UBASH3B: variants seen among roughly 807,000 people sequenced by gnomAD.
UBASH3B encodes ubiquitin-associated and SH3 domain-containing protein B.
Under a neutral mutation model 83.4 loss-of-function variants are expected in UBASH3B, and 37 were observed. The observed-to-expected ratio is 0.44, with a 90% CI of 0.34 to 0.58. The LOEUF (loss-of-function observed/expected upper bound fraction) is 0.58, where lower values mean the gene tolerates loss of function less well. Ranked by LOEUF, UBASH3B falls within the 20% of genes least tolerant of loss-of-function variation. The probability of loss-of-function intolerance (pLI) is 0.01; values close to 1 mark genes in which losing one functional copy is unlikely to be tolerated. For missense variants in UBASH3B, 657 were observed against 827.2 expected (o/e 0.79, Z 2.52); for synonymous variants, 304 against 318.3 (o/e 0.96, Z 0.48).
intron 1 of UBASH3B, among the ~76,000 whole-genome samples, chr11:122,730,102 A>G (rs1860817074): frequency 6.6e-6 from 1 of 152,136 alleles, no homozygotes; most frequent in East Asian, 1.9e-4. Flanking sequence ...CCTGGCCAAC[A>G]TGGCAAAACT....
intron 1 of UBASH3B, among the ~76,000 whole-genome samples, chr11:122,658,711 G>A (rs1217160393): frequency 6.6e-6 from 1 of 152,218 alleles, no homozygotes; most frequent in Non-Finnish European, 1.5e-5. Context: ...ACCATCTAGG[G>A]CCAGTAGGGC....
intron 1 of UBASH3B, among the ~76,000 whole-genome samples, chr11:122,739,963 CA>C (rs1860998247): frequency 1.3e-5 from 2 of 152,294 alleles, no homozygotes; most frequent in South Asian, 4.1e-4. Flanking sequence ...CATGTCCACC[CA>C]GAAATAACTA....
At chr11:122,731,128 C>T (rs534517166) in intron 1 of UBASH3B, among the ~76,000 whole-genome samples, 92 of 152,310 alleles carry the variant, frequency 6.0e-4, no homozygotes, top group South Asian at 1.7e-3. Context: ...TTGTGCCAAT[C>T]GGATTCTGTT....
At chr11:122,803,505 T>C (rs1477342511) in intron 11 of UBASH3B, among the ~76,000 whole-genome samples, 4 of 151,912 alleles carry the variant, frequency 2.6e-5, no homozygotes, top group African/African-American at 9.7e-5. Context: ...TGACTAATAT[T>C]GAAGCATCAT....
chr11:122,809,698 AGC>A lies in UBASH3B; in HGVS notation c.1813-50_1813-49del, dbSNP rs760015508. 4 of 1,593,786 alleles carry A rather than the reference AGC, an allele frequency of 2.5e-6. No homozygotes were observed. The South Asian group carries it at 4.5e-5, about 18-fold the overall frequency. On this transcript the variant is annotated intron_variant, in intron 13 of 13. Transcript: ENST00000284273. ...ATCTTTGTATTTAGGTAAAAGTTAA[AGC>A]ATTAAACCTATCTCCTAATATCCCC...
intron 1 of UBASH3B, among the ~76,000 whole-genome samples, chr11:122,714,992 C>T (rs1362319654): frequency 6.6e-6 from 1 of 152,192 alleles, no homozygotes; most frequent in Non-Finnish European, 1.5e-5. Context: ...GTCGCCCGGG[C>T]TGGAGTGCAG....
intron 5 of UBASH3B, among the ~76,000 whole-genome samples, chr11:122,787,535 C>T (rs1179001492): frequency 6.6e-6 from 1 of 152,176 alleles, no homozygotes; most frequent in Non-Finnish European, 1.5e-5. Context: ...TTAGCGATTT[C>T]CAGAAGGAAA....
chr11:122,762,809 G>A (rs775221486), intron 1 of UBASH3B, among the ~76,000 whole-genome samples: 2 of 152,194 alleles, frequency 1.3e-5, no homozygotes, highest in Admixed American at 6.5e-5. Context: ...GAAAGAATCT[G>A]GGTCTTCTGG....
At chr11:122,785,495 C>G (rs1186033286) in intron 5 of UBASH3B, among the ~76,000 whole-genome samples, 3 of 152,178 alleles carry the variant, frequency 2.0e-5, no homozygotes, top group African/African-American at 7.2e-5. Flanking sequence ...GGCCTCATTC[C>G]TCTGCTATTT....
At chr11:122,766,157 C>T (rs1321722684) in intron 1 of UBASH3B, among the ~76,000 whole-genome samples, 2 of 152,152 alleles carry the variant, frequency 1.3e-5, no homozygotes, top group Non-Finnish European at 2.9e-5. Flanking sequence ...AAATGGAGGC[C>T]TCCATGAGTC....
rs773751591 is a variant in UBASH3B at position 122,779,471 on chromosome 11, T to TGAA, written c.403-23_403-21dup. Reference sequence around the variant, plus strand: ...ACTTCCATCTCCCCTTGTCTCTGAGTGAAGACTGCCTGTTTTCCCTGCCAG... The same window carrying TGAA: ...ACTTCCATCTCCCCTTGTCTCTGAGTGAAGAAGACTGCCTGTTTTCCCTGCCAG... On this transcript the variant is annotated intron_variant, in intron 3 of 13. Transcript: ENST00000284273. The TGAA allele has an allele frequency of 1.4e-5, 22 of 1,612,818 alleles. No individual in the cohort carries two copies. The South Asian group carries it at 2.3e-4, about 17-fold the overall frequency.
At chr11:122,729,598 A>T (rs1480196702) in intron 1 of UBASH3B, among the ~76,000 whole-genome samples, 1 of 152,124 alleles carries the variant, frequency 6.6e-6, no homozygotes, top group Non-Finnish European at 1.5e-5. Context: ...TTGTTTTAAA[A>T]TACTCTAGGG....
rs573908197 is a variant in UBASH3B, at chr11:122,757,745, C to T, written c.162-18474C>T. Among the ~76,000 whole-genome samples, 220 of 131,822 alleles carry T rather than the reference C, an allele frequency of 1.7e-3. 2 individuals carry two copies. Among genetic ancestry groups the T allele is most frequent in the African/African-American group, 4.5e-3 (151 of 33,570 alleles). 86.5% of individuals were successfully genotyped at this position (131,822 alleles called of 152,430 possible). ...TTTTTTTTTTTTTGAGACAGAGTCTCACTCTGTCGCCAGGCTGAAGTGCAG... is the reference window on the plus strand; with the variant it reads ...TTTTTTTTTTTTTGAGACAGAGTCTTACTCTGTCGCCAGGCTGAAGTGCAG... On this transcript the variant is annotated intron_variant, in intron 1 of 13. Transcript: ENST00000284273.
chr11:122,717,026 T>C (rs571723041), intron 1 of UBASH3B, among the ~76,000 whole-genome samples: 2 of 152,242 alleles, frequency 1.3e-5, no homozygotes, highest in South Asian at 2.1e-4. Flanking sequence ...GGCCAAGGTG[T>C]AACAAACTGA....
intron 1 of UBASH3B, among the ~76,000 whole-genome samples, chr11:122,728,815 G>A (rs766604506): frequency 4.6e-5 from 7 of 152,210 alleles, no homozygotes; most frequent in Non-Finnish European, 1.0e-4. Context: ...TAGCACAGGG[G>A]CAGAAACAAA....
intron 4 of UBASH3B, among the ~76,000 whole-genome samples, chr11:122,781,354 T>G (rs1158164465): frequency 1.3e-5 from 2 of 152,192 alleles, no homozygotes; most frequent in Non-Finnish European, 2.9e-5. Flanking sequence ...CAGTAGTTAT[T>G]GTCAGAACCA....
Position 122,776,971 on chromosome 11 carries a change from TCCCCTCCCA to T in UBASH3B, c.216-52_216-44del. On this transcript the variant is annotated intron_variant, in intron 2 of 13. Transcript: ENST00000284273. Reference sequence around the variant, plus strand: ...GTGGATCTGTCTCTCAGTTCTTTTTTCCCCTCCCATTATTCTCAAGCGACACCTTGTTGG... The same window carrying T: ...GTGGATCTGTCTCTCAGTTCTTTTTTTTATTCTCAAGCGACACCTTGTTGG... The T allele has an allele frequency of 4.7e-6, 7 of 1,494,292 alleles. No homozygotes were observed. The Admixed American group carries it at 8.2e-5, about 18-fold the overall frequency. The allele number at this position is 1,494,292 out of a possible 1,614,324, so 92.6% of individuals were successfully genotyped here.
chr11:122,734,702 A>C (rs1218148609), intron 1 of UBASH3B, among the ~76,000 whole-genome samples: 1 of 152,032 alleles, frequency 6.6e-6, no homozygotes, highest in Non-Finnish European at 1.5e-5. Flanking sequence ...CATTAAGGCA[A>C]TTCCAGTAGA....
chr11:122,661,225 G>C (rs1863433889), intron 1 of UBASH3B, among the ~76,000 whole-genome samples: 1 of 152,204 alleles, frequency 6.6e-6, no homozygotes, highest in Admixed American at 6.5e-5. Flanking sequence ...GGCAGTGGCA[G>C]AAGGAAAGAG....
Sources: gnomAD v4.1 joint callset for allele counts (sites outside exome capture counted in the v4.1 genomes callset) on GRCh38, gnomAD v4.1.1 for gene constraint, MANE v1.5 for transcripts, NCBI Gene and HGNC (gene_info 2026-07-23, HGNC 2026-07-21) for gene names.